The following MMP26 variants were observed in gnomAD, a reference collection of about 807,000 sequenced individuals.
MMP26 encodes matrix metalloproteinase-26.
In MMP26, 33 loss-of-function variants were observed where a neutral mutation model predicts 31.0. The observed-to-expected ratio is 1.06, with a 90% CI of 0.81 to 1.42. The LOEUF (loss-of-function observed/expected upper bound fraction) is 1.42. Among genes scored for constraint, MMP26 ranks in the 40% most tolerant of loss-of-function variants. The pLI, the probability that MMP26 is intolerant of heterozygous loss-of-function variation, is 0.00. For missense variants in MMP26, 347 were observed against 316.1 expected (o/e 1.10, Z -0.74); for synonymous variants, 122 against 114.9 (o/e 1.06, Z -0.40).
At chr11:4,944,453 C>T (rs1846264005) in intron 2 of MMP26, 1 of 159,014 alleles carries the variant, frequency 6.3e-6, no homozygotes, top group Non-Finnish European at 1.4e-5. Context: ...GAAGCATATC[C>T]TGCATAAATT....
intron 1 of MMP26, chr11:4,710,230 T>C (rs1056069279): frequency 2.2e-5 from 10 of 456,630 alleles, no homozygotes; most frequent in Non-Finnish European, 4.4e-5. Context: ...ATCTCCTATG[T>C]TCTGATCGTC....
chr11:4,737,428 G>C (rs556268055), intron 1 of MMP26, among the ~76,000 whole-genome samples: 87 of 152,276 alleles, frequency 5.7e-4, no homozygotes, highest in Middle Eastern at 3.4e-3. Flanking sequence ...TGGATCACCT[G>C]AGGTCGGGAG....
At chr11:4,934,494 G>T (rs1254181694) in intron 2 of MMP26, among the ~76,000 whole-genome samples, 1 of 133,116 alleles carries the variant, frequency 7.5e-6, no homozygotes, top group Non-Finnish European at 1.6e-5. Flanking sequence ...CAGATGAGTA[G>T]GTTGCAAAAA....
chr11:4,902,688 C>T (rs1850821545), intron 2 of MMP26, among the ~76,000 whole-genome samples: 1 of 152,288 alleles, frequency 6.6e-6, no homozygotes, highest in African/African-American at 2.4e-5. Context: ...AGGTGGGTAT[C>T]AAATGCATCT....
chr11:4,789,509 G>A (rs1848992413), intron 2 of MMP26, among the ~76,000 whole-genome samples: 1 of 132,532 alleles, frequency 7.5e-6, no homozygotes, highest in African/African-American at 2.8e-5. Context: ...TTGATTTCCT[G>A]AAGGTAAAGA....
At position 4,882,773 on chromosome 11, in the gene MMP26, A is replaced by G. The variant is rs376789195; in HGVS notation, c.-144-105295A>G. 1.2e-5 allele frequency: 19 copies of G among 1,613,760 alleles called. No individual in the cohort carries two copies. Among genetic ancestry groups the G allele is most frequent in the Non-Finnish European group, 1.4e-5 (16 of 1,179,878 alleles). On this transcript the variant is annotated intron_variant, in intron 2 of 7. Coordinates refer to ENST00000380390, the MANE Select transcript of MMP26 (RefSeq NM_021801.5). Reference sequence around the variant, plus strand: ...GCTCTTACCACCTGTGCTGAACCCTATCATTTACAGCTTGAAGACCAAGAC... The same window carrying G: ...GCTCTTACCACCTGTGCTGAACCCTGTCATTTACAGCTTGAAGACCAAGAC...
chr11:4,873,978 G>C (rs1296038832), intron 2 of MMP26, among the ~76,000 whole-genome samples: 2 of 151,974 alleles, frequency 1.3e-5, no homozygotes, highest in Admixed American at 1.3e-4. Context: ...CAGAGATATA[G>C]GTAAAGAGAG....
At chr11:4,820,105 A>C (rs1426757405) in intron 2 of MMP26, among the ~76,000 whole-genome samples, 1 of 152,136 alleles carries the variant, frequency 6.6e-6, no homozygotes, top group Non-Finnish European at 1.5e-5. Flanking sequence ...CTTTAAAATC[A>C]TACACCTGGA....
At chr11:4,923,507 A>C (rs1376358564) in intron 2 of MMP26, 2 of 1,614,082 alleles carry the variant, frequency 1.2e-6, no homozygotes, top group Non-Finnish European at 1.7e-6. Context: ...CACATAGGAC[A>C]TGAAGAGGTG....
intron 2 of MMP26, among the ~76,000 whole-genome samples, chr11:4,770,866 G>T (rs531512887): frequency 6.6e-6 from 1 of 152,000 alleles, no homozygotes; most frequent in South Asian, 2.1e-4. Context: ...AAAAAAACAT[G>T]GTGTGAAGAC....
intron 2 of MMP26, chr11:4,943,481 C>T (rs932850616): frequency 1.3e-5 from 6 of 455,896 alleles, no homozygotes; most frequent in Non-Finnish European, 2.6e-5. Flanking sequence ...TACATTTAGA[C>T]TAAGGTTTTT....
chr11:4,843,881 A>G (rs1271770003), intron 2 of MMP26, among the ~76,000 whole-genome samples: 1 of 152,224 alleles, frequency 6.6e-6, no homozygotes, highest in Non-Finnish European at 1.5e-5. Flanking sequence ...GTTCATGCAT[A>G]TGGGTGTACA....
intron 2 of MMP26, among the ~76,000 whole-genome samples, chr11:4,805,668 A>G (rs1020983138): frequency 1.3e-5 from 2 of 152,204 alleles, no homozygotes; most frequent in Non-Finnish European, 2.9e-5. Context: ...AATAAATGTC[A>G]TTATTCAAAG....
At chr11:4,800,594 T>TATA (rs1849167625) in intron 2 of MMP26, among the ~76,000 whole-genome samples, 1 of 152,342 alleles carries the variant, frequency 6.6e-6, no homozygotes, top group South Asian at 2.1e-4. Context: ...TTGGCTTCTT[T>TATA]ATAGTCATAC....
Position 4,924,006 on chromosome 11 carries a change from T to G in MMP26, c.-144-64062T>G, listed in dbSNP as rs35666095. 29 of 1,613,970 alleles carry G rather than the reference T, an allele frequency of 1.8e-5. No individual in the cohort carries two copies. The African/African-American group carries it at 3.6e-4, about 20-fold the overall frequency. On this transcript the variant is annotated intron_variant, in intron 2 of 7. Coordinates refer to ENST00000380390, the MANE Select transcript of MMP26 (RefSeq NM_021801.5). The stretch of plus-strand genomic sequence containing the variant: ...ATGGATAACAGAACTGATGACTCCA[T>G]TGAAGACAAGGTGTGGATGAAGAAG...
chr11:4,944,485 G>C (rs941276686), intron 2 of MMP26: 3 of 155,430 alleles, frequency 1.9e-5, no homozygotes, highest in South Asian at 2.0e-4. Flanking sequence ...AACAATGTTT[G>C]TATCTATAAA....
chr11:4,763,011 G>C (rs1848586615), intron 1 of MMP26, among the ~76,000 whole-genome samples: 1 of 152,094 alleles, frequency 6.6e-6, no homozygotes, highest in South Asian at 2.1e-4. Flanking sequence ...TTACAATTTG[G>C]GAGCAAGAGA....
chr11:4,888,857 G>T (rs952468971), intron 2 of MMP26, among the ~76,000 whole-genome samples: 1 of 152,110 alleles, frequency 6.6e-6, no homozygotes, highest in Non-Finnish European at 1.5e-5. Flanking sequence ...TTGACTGAAT[G>T]CTCCTCAACA....
intron 1 of MMP26, among the ~76,000 whole-genome samples, chr11:4,715,674 A>T (rs931778113): frequency 2.8e-4 from 43 of 152,184 alleles, no homozygotes; most frequent in African/African-American, 1.0e-3. Context: ...ATCAAGAGAC[A>T]TTTCAGAAGT....
Sources: gnomAD v4.1 joint callset for allele counts (sites outside exome capture counted in the v4.1 genomes callset) on GRCh38, gnomAD v4.1.1 for gene constraint, MANE v1.5 for transcripts, NCBI Gene and HGNC (gene_info 2026-07-23, HGNC 2026-07-21) for gene names.